Variants in FLI1 observed in about 807,000 individuals in gnomAD.
FLI1 encodes Friend leukemia integration 1 transcription factor.
Under a neutral mutation model 53.1 loss-of-function variants are expected in FLI1, and 13 were observed. That is an observed-to-expected ratio of 0.24 (90% CI 0.16 to 0.39). The LOEUF (loss-of-function observed/expected upper bound fraction) is 0.39. Among genes scored for constraint, FLI1 ranks in the 10% least tolerant of loss-of-function variants. The probability of loss-of-function intolerance (pLI) is 1.00; values close to 1 mark genes in which losing one functional copy is unlikely to be tolerated. For missense variants in FLI1, 424 were observed against 600.5 expected, an observed-to-expected ratio of 0.71 and a Z score of 3.07; for synonymous variants, 244 against 236.7, an observed-to-expected ratio of 1.03 and a Z score of -0.28.
intron 1 of FLI1, among the ~76,000 whole-genome samples, chr11:128,712,089 G>T (rs1184195688): frequency 6.6e-6 from 1 of 152,128 alleles, no homozygotes; most frequent in Non-Finnish European, 1.5e-5. Flanking sequence ...GGGGCCTGGT[G>T]GGAGGTGATT....
chr11:128,778,437 G>A (rs944365694), intron 4 of FLI1, among the ~76,000 whole-genome samples: 1 of 152,128 alleles, frequency 6.6e-6, no homozygotes, highest in African/African-American at 2.4e-5. Context: ...CTATTTCTAC[G>A]ATTTAGCCTG....
chr11:128,729,791 G>T (rs974439211), intron 1 of FLI1, among the ~76,000 whole-genome samples: 1 of 152,194 alleles, frequency 6.6e-6, no homozygotes, highest in Admixed American at 6.5e-5. Context: ...GGTACTGGCT[G>T]GTGGGACTGT....
At chr11:128,793,230 A>T (rs1294583919) in intron 5 of FLI1, among the ~76,000 whole-genome samples, 2 of 151,962 alleles carry the variant, frequency 1.3e-5, no homozygotes, top group African/African-American at 4.8e-5. Flanking sequence ...TATCAGTTTC[A>T]TGGGTAATCC....
chr11:128,734,454 T>C (rs1431515405), intron 1 of FLI1, among the ~76,000 whole-genome samples: 1 of 152,260 alleles, frequency 6.6e-6, no homozygotes, highest in Non-Finnish European at 1.5e-5. Flanking sequence ...TAATTCAACC[T>C]GTTTAAAACA....
At chr11:128,704,782 C>A (rs77560157) in intron 1 of FLI1, among the ~76,000 whole-genome samples, 2,449 of 152,264 alleles carry the variant, frequency 0.016, 73 homozygotes, top group African/African-American at 0.055. Context: ...CAAGCTAAGG[C>A]CTTTCTTTCC....
intron 5 of FLI1, among the ~76,000 whole-genome samples, chr11:128,792,299 ATGT>A (rs139356556): frequency 3.0e-4 from 45 of 152,206 alleles, no homozygotes; most frequent in Admixed American, 2.0e-3. Context: ...CAAGTAGCTG[ATGT>A]TGTCTAGTTG....
At chr11:128,706,072 C>A (rs1473163628) in intron 1 of FLI1, among the ~76,000 whole-genome samples, 1 of 152,174 alleles carries the variant, frequency 6.6e-6, no homozygotes, top group Non-Finnish European at 1.5e-5. Flanking sequence ...CACGCATACA[C>A]CTTCAAGAGG....
intron 1 of FLI1, among the ~76,000 whole-genome samples, chr11:128,754,944 G>T (rs761530027): frequency 6.6e-6 from 1 of 152,184 alleles, no homozygotes; most frequent in African/African-American, 2.4e-5. Flanking sequence ...AGTTCAAACT[G>T]GTTTTGTGCC....
At chr11:128,698,226 C>T (rs1938170864) in intron 1 of FLI1, among the ~76,000 whole-genome samples, 1 of 152,230 alleles carries the variant, frequency 6.6e-6, no homozygotes, top group Admixed American at 6.5e-5. Context: ...GGCTTGACTT[C>T]TGTCCTCAAG....
intron 2 of FLI1, chr11:128,764,763 G>A: frequency 6.3e-7 from 1 of 1,590,116 alleles, no homozygotes; most frequent in South Asian, 1.1e-5. Context: ...CTGGCTGGAG[G>A]AGGCACGGTG....
intron 1 of FLI1, among the ~76,000 whole-genome samples, chr11:128,727,697 C>T (rs914289958): frequency 6.6e-6 from 1 of 152,174 alleles, no homozygotes; most frequent in African/African-American, 2.4e-5. Context: ...GTGTAATTTG[C>T]ACTTATTTCA....
At chr11:128,806,555 G>A (rs1402674790) in intron 6 of FLI1, 1 of 152,266 alleles carries the variant, frequency 6.6e-6, no homozygotes, top group African/African-American at 2.4e-5. Context: ...AGGCAATGAA[G>A]AGTCACTAAG....
chr11:128,747,843 T>C (rs1940466479), intron 1 of FLI1, among the ~76,000 whole-genome samples: 1 of 152,250 alleles, frequency 6.6e-6, no homozygotes, highest in Non-Finnish European at 1.5e-5. Context: ...TAAAATGTTC[T>C]CTTCGTGGGG....
chr11:128,688,670 G>A (rs1031903329), intron 1 of FLI1, among the ~76,000 whole-genome samples: 2 of 152,170 alleles, frequency 1.3e-5, no homozygotes, highest in African/African-American at 4.8e-5. Context: ...GGGCTCTGAG[G>A]GGTCCCACAG....
chr11:128,753,373 A>G (rs1476121817), intron 1 of FLI1, among the ~76,000 whole-genome samples: 1 of 152,226 alleles, frequency 6.6e-6, no homozygotes, highest in Non-Finnish European at 1.5e-5. Context: ...TCTTTTAAAT[A>G]ATAACTAACT....
chr11:128,751,844 G>A (rs928500209), intron 1 of FLI1, among the ~76,000 whole-genome samples: 12 of 89,916 alleles, frequency 1.3e-4, no homozygotes, highest in Non-Finnish European at 2.4e-4. Flanking sequence ...TTTTTTTTTT[G>A]TAGAGAAAGA....
At chr11:128,800,019 G>A (rs769210517) in intron 5 of FLI1, among the ~76,000 whole-genome samples, 5 of 152,202 alleles carry the variant, frequency 3.3e-5, no homozygotes, top group Non-Finnish European at 7.3e-5. Context: ...CCCTGTCGGA[G>A]TCTGGGAGTG....
intron 3 of FLI1, among the ~76,000 whole-genome samples, chr11:128,770,166 G>C (rs1212677032): frequency 1.3e-5 from 2 of 152,240 alleles, no homozygotes; most frequent in Non-Finnish European, 2.9e-5. Flanking sequence ...TCTTTGATCA[G>C]TGTTGAAATG....
At chr11:128,705,000 A>G (rs1280074713) in intron 1 of FLI1, among the ~76,000 whole-genome samples, 1 of 152,238 alleles carries the variant, frequency 6.6e-6, no homozygotes, top group East Asian at 1.9e-4. Context: ...TGGGTAAGTT[A>G]CTCATGGTCA....
Sources: gnomAD v4.1 joint callset for allele counts (sites outside exome capture counted in the v4.1 genomes callset) on GRCh38, gnomAD v4.1.1 for gene constraint, MANE v1.5 for transcripts, NCBI Gene and HGNC (gene_info 2026-07-23, HGNC 2026-07-21) for gene names.